Variants in PRKN observed in about 807,000 individuals in gnomAD.
PRKN encodes E3 ubiquitin-protein ligase parkin.
Under a neutral mutation model 59.5 loss-of-function variants are expected in PRKN, and 56 were observed. That is an observed-to-expected ratio of 0.94 (90% CI 0.76 to 1.18). PRKN has a LOEUF of 1.18. PRKN is among the 50% of genes most tolerant of loss of function. The probability of loss-of-function intolerance (pLI) is 0.00; values close to 1 mark genes in which losing one functional copy is unlikely to be tolerated. For missense variants in PRKN, 657 were observed against 596.4 expected, an observed-to-expected ratio of 1.10 and a Z score of -1.06; for synonymous variants, 250 against 222.1, an observed-to-expected ratio of 1.13 and a Z score of -1.12.
chr6:162,340,239 C>T (rs1784114048), intron 2 of PRKN, among the ~76,000 whole-genome samples: 1 of 151,702 alleles, frequency 6.6e-6, no homozygotes, highest in Non-Finnish European at 1.5e-5. Flanking sequence ...GCATTTTGTC[C>T]CAATTACTCA....
intron 8 of PRKN, among the ~76,000 whole-genome samples, chr6:161,567,901 C>T (rs563331971): frequency 2.2e-4 from 33 of 152,320 alleles, no homozygotes; most frequent in African/African-American, 7.9e-4. Flanking sequence ...TTTAGGCTTT[C>T]ACTGGGAAAT....
chr6:162,285,555 G>A (rs771410699), intron 2 of PRKN, among the ~76,000 whole-genome samples: 3 of 152,042 alleles, frequency 2.0e-5, no homozygotes, highest in Non-Finnish European at 2.9e-5. Context: ...AGTATAGTGC[G>A]TGCTTGTTGA....
intron 1 of PRKN, among the ~76,000 whole-genome samples, chr6:162,643,160 G>T (rs960841973): frequency 7.2e-5 from 11 of 152,116 alleles, no homozygotes; most frequent in African/African-American, 2.7e-4. Context: ...CACTTTGGGA[G>T]GCTGAGGTGG....
At chr6:161,493,065 T>TA (rs1430025147) in intron 9 of PRKN, among the ~76,000 whole-genome samples, 4 of 152,158 alleles carry the variant, frequency 2.6e-5, no homozygotes, top group African/African-American at 9.7e-5. Flanking sequence ...CCACCAAAGA[T>TA]AAAAATAATA....
At chr6:161,367,135 C>T (rs1019571966) in intron 10 of PRKN, among the ~76,000 whole-genome samples, 6 of 151,580 alleles carry the variant, frequency 4.0e-5, no homozygotes, top group Non-Finnish European at 5.9e-5. Context: ...GGACTACAGG[C>T]GCCCGCCACC....
intron 3 of PRKN, among the ~76,000 whole-genome samples, chr6:162,228,046 G>C (rs1032949112): frequency 6.6e-6 from 1 of 151,964 alleles, no homozygotes; most frequent in African/African-American, 2.4e-5. Context: ...GTTTATCGTA[G>C]AGAGAATTCT....
rs570370530 is a variant in PRKN, at chr6:161,462,127, G to C, written c.1084-75250C>G. On this transcript the variant is annotated intron_variant, in intron 9 of 11. Coordinates refer to ENST00000366898, the MANE Select transcript of PRKN (RefSeq NM_004562.3). The surrounding 1 kb of genome is among the most constrained non-coding windows in gnomAD (Gnocchi z 4.5). Reference sequence around the variant, plus strand: ...CCTGCAATGAGCGGGGACTCACTACGGTAGGGACCTACACATGCTTTGTCT... The same window carrying C: ...CCTGCAATGAGCGGGGACTCACTACCGTAGGGACCTACACATGCTTTGTCT... Among the ~76,000 whole-genome samples, 2 of 151,882 alleles carry C rather than the reference G, an allele frequency of 1.3e-5. No homozygotes were observed. The highest frequency in any genetic ancestry group is 6.6e-5 in the Admixed American group (1 of 15,248).
chr6:162,348,950 T>C (rs1784514319), intron 2 of PRKN, among the ~76,000 whole-genome samples: 2 of 152,142 alleles, frequency 1.3e-5, no homozygotes, highest in African/African-American at 4.8e-5. Flanking sequence ...GTGCAGATAT[T>C]AAAAATATAA....
At chr6:162,079,768 C>T (rs1778984026) in intron 4 of PRKN, among the ~76,000 whole-genome samples, 1 of 152,088 alleles carries the variant, frequency 6.6e-6, no homozygotes, top group Admixed American at 6.5e-5. Context: ...GATTTTGAAT[C>T]TTCCTGGAAA....
At chr6:162,025,139 C>A (rs1352331242) in intron 5 of PRKN, among the ~76,000 whole-genome samples, 1 of 151,582 alleles carries the variant, frequency 6.6e-6, no homozygotes, top group African/African-American at 2.4e-5. Context: ...CCTCAGCCTC[C>A]CGAGTAGCTG....
rs1377234878 is a variant in PRKN, at chr6:161,386,893, C to T, written c.1084-16G>A. On this transcript the variant is annotated splice_polypyrimidine_tract_variant and intron_variant, in intron 9 of 11. Transcript: ENST00000366898. The surrounding 1 kb of genome is among the most constrained non-coding windows in gnomAD (Gnocchi z 4.3). The stretch of plus-strand genomic sequence containing the variant: ...AGAAGGCAAACTGCAAAAGAACACA[C>T]ATCCATTAATTAGGGACATTAGGTT... 2 of 1,607,508 alleles carry T rather than the reference C, an allele frequency of 1.2e-6. No individual in the cohort carries two copies. The highest frequency in any genetic ancestry group is 4.5e-5 in the East Asian group (2 of 44,848).
At chr6:161,733,686 A>G (rs1787813894) in intron 7 of PRKN, among the ~76,000 whole-genome samples, 1 of 150,854 alleles carries the variant, frequency 6.6e-6, no homozygotes, top group African/African-American at 2.4e-5. Context: ...AAGACTGCTG[A>G]CCATTTCTTT....
In PRKN at chr6:161,538,525, C is replaced by G. The variant is rs948740576; in HGVS notation, c.1083+10329G>C. On this transcript the variant is annotated intron_variant, in intron 9 of 11. Transcript: ENST00000366898. This position sits in a 1 kb window ranked among gnomAD's most constrained non-coding sequence, Gnocchi z 4.2. ...GGTGGGACTAAAGGTCAAGCCAGGA[C>G]AGATCAGATTTGCCTAGGGGACACT... is the stretch of plus-strand genomic sequence containing the variant. Among the ~76,000 whole-genome samples the G allele has an allele frequency of 6.6e-6, 1 of 152,064 alleles. No individual in the cohort carries two copies. Among genetic ancestry groups the G allele is most frequent in the African/African-American group, 2.4e-5 (1 of 41,412 alleles).
At chr6:161,821,766 T>G (rs1047850029) in intron 6 of PRKN, among the ~76,000 whole-genome samples, 7 of 89,210 alleles carry the variant, frequency 7.8e-5, no homozygotes, top group African/African-American at 3.3e-4. Context: ...TTTTTTTTTT[T>G]GAGATGCAGT....
intron 5 of PRKN, among the ~76,000 whole-genome samples, chr6:162,028,122 C>T (rs550020660): frequency 6.6e-6 from 1 of 152,176 alleles, no homozygotes; most frequent in African/African-American, 2.4e-5. Flanking sequence ...ACAGCTTCAA[C>T]TGTGCTCTTT....
intron 1 of PRKN, among the ~76,000 whole-genome samples, chr6:162,571,680 G>A (rs1780335081): frequency 1.3e-5 from 2 of 152,272 alleles, no homozygotes; most frequent in South Asian, 2.1e-4. Flanking sequence ...GGATGTCCAA[G>A]TTGAGGGAGC....
At chr6:162,550,085 T>G (rs184205454) in intron 1 of PRKN, among the ~76,000 whole-genome samples, 1 of 152,124 alleles carries the variant, frequency 6.6e-6, no homozygotes, top group African/African-American at 2.4e-5. Context: ...ACCTTCACAA[T>G]AGAAAATAAA....
rs1790048325 is a variant in PRKN, at chr6:161,457,983, C to G, written c.1084-71106G>C. 6.6e-6 allele frequency among the ~76,000 whole-genome samples: 1 copy of G among 152,150 alleles called. No individual in the cohort carries two copies. The highest frequency in any genetic ancestry group is 1.5e-5 in the Non-Finnish European group (1 of 68,028). ...TTTTATGGGACACAAGCTGAACTGT[C>G]ATGCAGACAATGACCGCCTTCTGAT... On this transcript the variant is annotated intron_variant, in intron 9 of 11. Transcript: ENST00000366898. This position sits in a 1 kb window ranked among gnomAD's most constrained non-coding sequence, Gnocchi z 5.0.
At chr6:161,867,859 C>T (rs143952654) in intron 6 of PRKN, among the ~76,000 whole-genome samples, 14 of 151,956 alleles carry the variant, frequency 9.2e-5, no homozygotes, top group African/African-American at 3.4e-4. Flanking sequence ...CTCCCAGGTT[C>T]AAGCGATTCT....
Sources: gnomAD v4.1 joint callset for allele counts (sites outside exome capture counted in the v4.1 genomes callset) on GRCh38, gnomAD v4.1.1 for gene constraint, Gnocchi (gnomAD v3.1) non-coding constraint, MANE v1.5 for transcripts, NCBI Gene and HGNC (gene_info 2026-07-23, HGNC 2026-07-21) for gene names.